NIN: variants seen among roughly 807,000 people sequenced by gnomAD.
NIN encodes the protein glycogen synthase kinase 3 beta-interacting protein.
A neutral mutation model predicts 257.6 loss-of-function variants in NIN; 137 were observed. That is an observed-to-expected ratio of 0.53 (90% CI 0.46 to 0.61). The LOEUF is 0.61. Among genes scored for constraint, NIN ranks in the 20% least tolerant of loss-of-function variants. The pLI is 0.00. For missense variants in NIN, 2,439 were observed against 2,501.2 expected, an observed-to-expected ratio of 0.98 and a Z score of 0.53; for synonymous variants, 918 against 919.8, an observed-to-expected ratio of 1.00 and a Z score of 0.04.
In NIN at chr14:50,783,665, G is replaced by T. The variant is rs766329586; in HGVS notation, c.436-4861C>A. Among the ~76,000 whole-genome samples the T allele has an allele frequency of 3.3e-5, 5 of 152,074 alleles. No individual in the cohort carries two copies. In the South Asian group the frequency reaches 1.0e-3, roughly 32 times the overall value. Reference sequence around the variant, plus strand: ...TGCTATTTCAGGGGGGTGGGTGGGGGAAGATTCAATTCATTCACAGCTCAT... The same window carrying T: ...TGCTATTTCAGGGGGGTGGGTGGGGTAAGATTCAATTCATTCACAGCTCAT... On this transcript the variant is annotated intron_variant, in intron 5 of 30. Coordinates refer to ENST00000530997, the MANE Select transcript of NIN (RefSeq NM_020921.4).
rs2040270935 is a variant in NIN, at chr14:50,721,545, A to G, written c.*1918T>C. 1 of 218,140 alleles carries G rather than the reference A, an allele frequency of 4.6e-6. No homozygotes were observed. Among genetic ancestry groups the G allele is most frequent in the Non-Finnish European group, 9.2e-6 (1 of 108,316 alleles). The allele number at this position is 218,140 out of a possible 1,614,324, so 13.5% of individuals were successfully genotyped here. A position where few individuals can be genotyped will look rare whatever the true frequency, so the allele number is the denominator to read the frequency against. ...TTTTGTCCTTAGCCTAGGCCAATCC[A>G]CAGTTTTAAGTGAAACAATTTTCTG... On this transcript the variant is annotated 3_prime_UTR_variant, in exon 31 of 31. Transcript: ENST00000530997.
intron 17 of NIN, among the ~76,000 whole-genome samples, chr14:50,759,227 T>C (rs1356262053): frequency 6.6e-6 from 1 of 152,200 alleles, no homozygotes; most frequent in Non-Finnish European, 1.5e-5. Flanking sequence ...TTAATAGCTT[T>C]TCTCAGAAAG....
Position 50,771,322 on chromosome 14 carries a change from C to T in NIN, c.1118+10G>A, listed in dbSNP as rs1460037572. ...GGGAATGGGGCAGGCGAACCTTCTG[C>T]TCAACTCACAACAAATGCCGGATTT... On this transcript the variant is annotated intron_variant, in intron 10 of 30. Coordinates refer to ENST00000530997, the MANE Select transcript of NIN (RefSeq NM_020921.4). 6.2e-7 allele frequency: 1 copy of T among 1,613,272 alleles called. No individual in the cohort carries two copies. Among genetic ancestry groups the T allele is most frequent in the East Asian group, 2.2e-5 (1 of 44,892 alleles).
intron 2 of NIN, among the ~76,000 whole-genome samples, chr14:50,827,475 C>T (rs541889326): frequency 1.1e-4 from 16 of 151,706 alleles, no homozygotes; most frequent in African/African-American, 3.4e-4. Context: ...TGGCTGGGAG[C>T]GGGGGCTCAT....
chr14:50,762,150 T>TAG (rs2042298291), intron 15 of NIN, among the ~76,000 whole-genome samples: 3 of 152,148 alleles, frequency 2.0e-5, no homozygotes, highest in Non-Finnish European at 2.9e-5. Flanking sequence ...GAAAAAACCT[T>TAG]AATAGAATCC....
At chr14:50,735,704 C>A in intron 27 of NIN, 87 bp from the exon 28 acceptor site, 1 of 1,451,512 alleles carries the variant, frequency 6.9e-7, no homozygotes, top group South Asian at 1.4e-5. Flanking sequence ...CTGTGCTTGT[C>A]AGAAATCTCA....
chr14:50,769,625 T>C (rs1269989072), intron 12 of NIN, among the ~76,000 whole-genome samples: 1 of 152,088 alleles, frequency 6.6e-6, no homozygotes, highest in Non-Finnish European at 1.5e-5. Flanking sequence ...CTCAGCCTCC[T>C]GCGTAGCTGG....
intron 28 of NIN, among the ~76,000 whole-genome samples, chr14:50,733,557 T>C: frequency 6.6e-6 from 1 of 152,110 alleles, no homozygotes; most frequent in Non-Finnish European, 1.5e-5. Context: ...TACTACTAGG[T>C]GGGAAAACAA....
At chr14:50,804,186 C>T (rs10137363) in intron 4 of NIN, among the ~76,000 whole-genome samples, 11,250 of 152,064 alleles carry the variant, frequency 0.074, 568 homozygotes, top group Non-Finnish European at 0.11. Context: ...CATGAGCCAC[C>T]GCACCCAGCT....
chr14:50,744,397 CA>C lies in NIN; in HGVS notation c.5065-33del, dbSNP rs2041440973. The C allele has an allele frequency of 5.0e-6, 8 of 1,610,306 alleles. No homozygotes were observed. In the East Asian group the frequency reaches 1.8e-4, roughly 36 times the overall value. ...GAGATAAACAAATGAGCCCTCCCATCACATCTCATGGCTGTAAGTACAAAGG... is the reference window on the plus strand; with the variant it reads ...GAGATAAACAAATGAGCCCTCCCATCCATCTCATGGCTGTAAGTACAAAGG... On this transcript the variant is annotated intron_variant, in intron 22 of 30. Transcript: ENST00000530997.
At chr14:50,811,499 T>G (rs2044603074) in intron 3 of NIN, among the ~76,000 whole-genome samples, 1 of 150,478 alleles carries the variant, frequency 6.6e-6, no homozygotes, top group South Asian at 2.1e-4. Context: ...TTTAATACAC[T>G]CTTGTATATG....
intron 28 of NIN, among the ~76,000 whole-genome samples, chr14:50,732,461 G>A (rs368222522): frequency 6.6e-6 from 1 of 152,126 alleles, no homozygotes; most frequent in East Asian, 1.9e-4. Flanking sequence ...CGCTGGAGAG[G>A]GGGAATGGTT....
intron 18 of NIN, 23 bp downstream of exon 18, chr14:50,756,466 TGAC>T: frequency 1.3e-6 from 2 of 1,550,836 alleles, no homozygotes; most frequent in Non-Finnish European, 1.7e-6. Flanking sequence ...GTGGGATTCG[TGAC>T]GTCTAGAAGG....
chr14:50,771,437 T>G lies in NIN; in HGVS notation c.1013A>C (p.Asn338Thr). The G allele has an allele frequency of 6.2e-7, 1 of 1,614,166 alleles. No homozygotes were observed. The highest frequency in any genetic ancestry group is 8.5e-7 in the Non-Finnish European group (1 of 1,180,020). Residue 338 changes from asparagine to threonine, a missense_variant, in exon 10 of 31, where the codon AAT (asparagine) becomes ACT (threonine). Asn to Thr is a moderately conservative substitution (Grantham distance 65). Around this residue, in one of 3 missense-constraint regions of NIN, gnomAD observed 387 missense variants for 427.3 expected, o/e 0.91. Transcript: ENST00000530997. The stretch of plus-strand genomic sequence containing the variant: ...AAGGGCCAGTGTTAATTCTGTCAAA[T>G]TGATGTTTCCATCGAGGCTGAAATC... ...ALDFSLDGNI[N>T]LTELTLALEN...
At chr14:50,724,794 TTTC>T (rs532090184) in intron 30 of NIN, among the ~76,000 whole-genome samples, 13 of 152,258 alleles carry the variant, frequency 8.5e-5, no homozygotes, top group Middle Eastern at 3.4e-3. Context: ...TTCCCCACAC[TTTC>T]TTAACTAGTT....
intron 14 of NIN, among the ~76,000 whole-genome samples, chr14:50,765,098 C>T (rs1595811962): frequency 7.5e-6 from 1 of 133,650 alleles, no homozygotes; most frequent in Non-Finnish European, 1.6e-5. Flanking sequence ...AAAAATTAGG[C>T]GTTTGGCAGA....
At chr14:50,804,548 G>T (rs1007647689) in intron 4 of NIN, among the ~76,000 whole-genome samples, 16 of 152,232 alleles carry the variant, frequency 1.1e-4, no homozygotes, top group African/African-American at 3.9e-4. Context: ...AATCCCTTCT[G>T]TGTGTCTTCC....
intron 3 of NIN, among the ~76,000 whole-genome samples, chr14:50,816,072 T>C (rs1221981790): frequency 6.6e-6 from 1 of 152,118 alleles, no homozygotes. Flanking sequence ...TGGGAGCCGT[T>C]ATCCTCAGCA....
At chr14:50,744,065 A>G (rs1345083955) in intron 23 of NIN, among the ~76,000 whole-genome samples, 178 bp downstream of exon 23, 1 of 152,086 alleles carries the variant, frequency 6.6e-6, no homozygotes, top group Non-Finnish European at 1.5e-5. Context: ...ACTAATTTAG[A>G]CTTCATCAGT....
Sources: allele counts gnomAD v4.1 joint callset (sites outside exome capture counted in the v4.1 genomes callset), GRCh38; gene constraint gnomAD v4.1.1; regional missense constraint gnomAD v4.1.1; transcripts MANE v1.5; gene names NCBI Gene and HGNC (gene_info 2026-07-23, HGNC 2026-07-21).